Variants in TAF4B observed in about 807,000 individuals in gnomAD.
TAF4B encodes the protein TATA-box binding protein associated factor 4b, also known as transcription initiation factor TFIID subunit 4B.
A neutral mutation model predicts 86.4 loss-of-function variants in TAF4B; 38 were observed. That is an observed-to-expected ratio of 0.44 (90% CI 0.34 to 0.58). The LOEUF (loss-of-function observed/expected upper bound fraction) is 0.58. Ranked by LOEUF, TAF4B falls within the 20% of genes least tolerant of loss-of-function variation. The pLI is 0.02. For missense variants in TAF4B, 988 were observed against 1,027.6 expected (o/e 0.96, Z 0.53); for synonymous variants, 388 against 391.2 (o/e 0.99, Z 0.10).
chr18:26,253,749 A>G (rs2056039550), intron 1 of TAF4B, among the ~76,000 whole-genome samples: 1 of 152,044 alleles, frequency 6.6e-6, no homozygotes, highest in South Asian at 2.1e-4. Flanking sequence ...TTCATTTCTT[A>G]AAGGCCTATT....
chr18:26,241,538 C>G (rs770470617), intron 1 of TAF4B, among the ~76,000 whole-genome samples: 2 of 152,244 alleles, frequency 1.3e-5, no homozygotes, highest in Non-Finnish European at 2.9e-5. Flanking sequence ...AAAACCAGCT[C>G]CTGGATTCTT....
rs999674577 is a variant in TAF4B at position 26,315,399 on chromosome 18, G to A, written c.2002+1G>A. 3.1e-6 allele frequency: 5 copies of A among 1,609,630 alleles called. No homozygotes were observed. Among genetic ancestry groups the A allele is most frequent in the Non-Finnish European group, 4.2e-6 (5 of 1,178,738 alleles). On this transcript the variant is annotated splice_donor_variant, in intron 10 of 14. Coordinates refer to ENST00000269142, the MANE Select transcript of TAF4B (RefSeq NM_005640.3). LOFTEE classifies it high-confidence loss of function. ...CTACAAAAGAGAATTTTAGACATTG[G>A]TAAGTGTAGAGTTATGATTATTGAC...
In TAF4B at chr18:26,375,522, A is replaced by G. The variant is rs116902934; in HGVS notation, c.2422-14323A>G. Among the ~76,000 whole-genome samples the G allele has an allele frequency of 4.1e-3, 626 of 152,214 alleles. 5 individuals are homozygous for G. Among genetic ancestry groups the G allele is most frequent in the Non-Finnish European group, 7.0e-3 (475 of 67,974 alleles). ...GCATGATTTGACTTTTCCATCCACAATGCACAAGGGTTCCACTTTCTCCAC... is the reference window on the plus strand; with the variant it reads ...GCATGATTTGACTTTTCCATCCACAGTGCACAAGGGTTCCACTTTCTCCAC... On this transcript the variant is annotated intron_variant, in intron 14 of 14. Coordinates refer to ENST00000269142, the MANE Select transcript of TAF4B (RefSeq NM_005640.3).
At chr18:26,385,683 T>G (rs867609603) in intron 14 of TAF4B, among the ~76,000 whole-genome samples, 152 of 142,112 alleles carry the variant, frequency 1.1e-3, no homozygotes, top group African/African-American at 3.6e-3. Flanking sequence ...AACAGCGTTT[T>G]TTTTTTTTTT....
At chr18:26,234,939 C>T (rs2055726656) in intron 1 of TAF4B, among the ~76,000 whole-genome samples, 1 of 152,044 alleles carries the variant, frequency 6.6e-6, no homozygotes, top group South Asian at 2.1e-4. Context: ...ATTTTGATAC[C>T]CTCTGATACT....
In TAF4B at chr18:26,260,538, G is replaced by A. The variant is rs144000826; in HGVS notation, c.344-4632G>A. 4.3e-3 allele frequency among the ~76,000 whole-genome samples: 661 copies of A among 152,170 alleles called. 3 individuals are homozygous for A. Among genetic ancestry groups the A allele is most frequent in the African/African-American group, 0.015 (621 of 41,522 alleles). ...TCCCAGCACCATTTGTTAAATAGGG[G>A]CTCCTTTCCCCATTTCTTGTTTTTG... On this transcript the variant is annotated intron_variant, in intron 1 of 14. Transcript: ENST00000269142.
At position 26,390,887 on chromosome 18, in the gene TAF4B, G is replaced by T. The variant is rs1472537723; in HGVS notation, c.*875G>T. 1 of 152,146 alleles carries T rather than the reference G, an allele frequency of 6.6e-6. No individual in the cohort carries two copies. The highest frequency in any genetic ancestry group is 1.5e-5 in the Non-Finnish European group (1 of 68,018). 9.4% of individuals were successfully genotyped at this position (152,146 alleles called of 1,614,324 possible). A position where few individuals can be genotyped will look rare whatever the true frequency, so the allele number is the denominator to read the frequency against. On this transcript the variant is annotated 3_prime_UTR_variant, in exon 15 of 15. Transcript: ENST00000269142. ...AAAAAAATCACAGCACAACCAGAAA[G>T]GAGAATGTACCAGATGTTTTCAAAT...
At chr18:26,373,138 G>A (rs1039395730) in intron 14 of TAF4B, among the ~76,000 whole-genome samples, 1 of 152,104 alleles carries the variant, frequency 6.6e-6, no homozygotes, top group African/African-American at 2.4e-5. Flanking sequence ...ACTTGTGTCA[G>A]CCCCTCTCCC....
At chr18:26,371,965 T>C (rs934916935) in intron 14 of TAF4B, among the ~76,000 whole-genome samples, 2 of 152,132 alleles carry the variant, frequency 1.3e-5, no homozygotes, top group Non-Finnish European at 2.9e-5. Context: ...ACTTTAGGGA[T>C]TGGTAGACAC....
intron 13 of TAF4B, among the ~76,000 whole-genome samples, chr18:26,353,525 A>G (rs558361882): frequency 6.6e-6 from 1 of 152,298 alleles, no homozygotes; most frequent in East Asian, 1.9e-4. Flanking sequence ...GAGACCAGGA[A>G]TTCAAGACCA....
At chr18:26,238,367 AG>A (rs1291579496) in intron 1 of TAF4B, among the ~76,000 whole-genome samples, 1 of 152,102 alleles carries the variant, frequency 6.6e-6, no homozygotes, top group Non-Finnish European at 1.5e-5. Flanking sequence ...ATGAATAGGA[AG>A]GATATAATTT....
At chr18:26,342,541 C>CGTTA (rs959296977) in intron 13 of TAF4B, among the ~76,000 whole-genome samples, 20 of 152,194 alleles carry the variant, frequency 1.3e-4, no homozygotes, top group African/African-American at 4.6e-4. Flanking sequence ...GTCTATTGAA[C>CGTTA]GTTACCTCTG....
chr18:26,318,870 GT>G (rs1178832035), intron 10 of TAF4B, among the ~76,000 whole-genome samples: 1 of 152,174 alleles, frequency 6.6e-6, no homozygotes, highest in Non-Finnish European at 1.5e-5. Context: ...AATTACCTCT[GT>G]TTTATGAATA....
chr18:26,334,177 G>T lies in TAF4B; in HGVS notation c.2260-998G>T, dbSNP rs145514327. Among the ~76,000 whole-genome samples the T allele has an allele frequency of 6.2e-3, 940 of 152,098 alleles. 9 individuals carry two copies. The highest frequency in any genetic ancestry group is 0.022 in the African/African-American group (895 of 41,520). On this transcript the variant is annotated intron_variant, in intron 12 of 14. Transcript: ENST00000269142. ...ATGAAGAAAAATTTTACCAGCTTTGGGTTGAATTTTGTGTAGATATTTAAG... is the reference window on the plus strand; with the variant it reads ...ATGAAGAAAAATTTTACCAGCTTTGTGTTGAATTTTGTGTAGATATTTAAG...
At chr18:26,340,512 G>A (rs565118895) in intron 13 of TAF4B, among the ~76,000 whole-genome samples, 1 of 152,262 alleles carries the variant, frequency 6.6e-6, no homozygotes, top group South Asian at 2.1e-4. Flanking sequence ...CAGAGAAACA[G>A]ATTGAAAGGT....
rs2056512882 is a variant in TAF4B, at chr18:26,285,771, C to T, written c.973-111C>T. 6.9e-6 allele frequency: 9 copies of T among 1,311,976 alleles called. No individual in the cohort carries two copies. The Middle Eastern group carries it at 1.7e-3, about 253-fold the overall frequency. 81.3% of individuals were successfully genotyped at this position (1,311,976 alleles called of 1,614,324 possible). A position where few individuals can be genotyped will look rare whatever the true frequency, so the allele number is the denominator to read the frequency against. The stretch of plus-strand genomic sequence containing the variant: ...ATACAAGCTGTCTTCAACTGAAATA[C>T]TTGATACACTTTTGATTGGTTTTAA... On this transcript the variant is annotated intron_variant, in intron 6 of 14. Coordinates refer to ENST00000269142, the MANE Select transcript of TAF4B (RefSeq NM_005640.3).
chr18:26,385,053 C>T (rs8099064), intron 14 of TAF4B, among the ~76,000 whole-genome samples: 61,665 of 151,824 alleles, frequency 0.41, 13,199 homozygotes, highest in African/African-American at 0.5. Context: ...AGGAGAGGCC[C>T]GTATGGAGTC....
At position 26,293,481 on chromosome 18, in the gene TAF4B, A is replaced by G. The variant is rs201212556; in HGVS notation, c.1782A>G (p.Ala594=). 13 of 1,597,138 alleles carry G rather than the reference A, an allele frequency of 8.1e-6. No individual in the cohort carries two copies. The East Asian group carries it at 2.7e-4, about 33-fold the overall frequency. Residue 594 remains alanine (A), a synonymous_variant, in exon 9 of 15, where the codon GCA becomes GCG. Coordinates refer to ENST00000269142, the MANE Select transcript of TAF4B (RefSeq NM_005640.3). ...GAAATAAAATTCTGTCACTTCAAGC[A>G]TCTCCTACTCAGAAAAATAGAATAA... is the stretch of plus-strand genomic sequence containing the variant. ...LPGNKILSLQ[A]SPTQKNRIKE...
At chr18:26,359,680 G>T (rs773221083) in intron 14 of TAF4B, among the ~76,000 whole-genome samples, 5 of 151,874 alleles carry the variant, frequency 3.3e-5, no homozygotes, top group Non-Finnish European at 7.4e-5. Context: ...ATATAGCACC[G>T]CCCTGCTCCA....
Sources: allele counts gnomAD v4.1 joint callset (sites outside exome capture counted in the v4.1 genomes callset), GRCh38; gene constraint gnomAD v4.1.1; transcripts MANE v1.5; gene names NCBI Gene and HGNC (gene_info 2026-07-23, HGNC 2026-07-21).